SUSD1: variants seen among roughly 807,000 people sequenced by gnomAD.
The protein encoded by SUSD1 is sushi domain containing 1.
In SUSD1, 65 loss-of-function variants were observed where a neutral mutation model predicts 86.9. That is an observed-to-expected ratio of 0.75 (90% CI 0.61 to 0.92). SUSD1 has a LOEUF of 0.92. Among genes scored for constraint, SUSD1 ranks in the 40% least tolerant of loss-of-function variants. The pLI is 0.00. For synonymous variants in SUSD1, 346 were observed against 350.0 expected (o/e 0.99, Z 0.13); for missense variants, 850 against 929.7 (o/e 0.91, Z 1.11).
chr9:112,103,426 A>T (rs912326790), intron 8 of SUSD1, among the ~76,000 whole-genome samples: 1 of 152,226 alleles, frequency 6.6e-6, no homozygotes, highest in East Asian at 1.9e-4. Context: ...TGTGATTGTG[A>T]GGAATACCAA....
chr9:112,080,872 C>A (rs1829738829), intron 10 of SUSD1, among the ~76,000 whole-genome samples: 1 of 152,076 alleles, frequency 6.6e-6, no homozygotes, highest in Non-Finnish European at 1.5e-5. Context: ...GAGAATTGCT[C>A]CTTGAGGAAC....
chr9:112,140,682 G>A (rs949942596), intron 5 of SUSD1, among the ~76,000 whole-genome samples: 1 of 152,194 alleles, frequency 6.6e-6, no homozygotes, highest in Non-Finnish European at 1.5e-5. Flanking sequence ...CTGGGTTCAA[G>A]TTCAGCTCTG....
At chr9:112,173,424 G>A (rs1302319565) in intron 1 of SUSD1, 1 of 156,766 alleles carries the variant, frequency 6.4e-6, no homozygotes, top group Non-Finnish European at 1.4e-5. Flanking sequence ...CCCGCCTCAA[G>A]TTTACTTATA....
Position 112,041,157 on chromosome 9 carries a change from GC to G in SUSD1, c.*334del, listed in dbSNP as rs1827718642. ...AATGTCTAGAGGAGCTGACCCTCAG[GC>G]ATCACTCAGAGGAAGTCCCAGCCAA... On this transcript the variant is annotated 3_prime_UTR_variant, in exon 17 of 17. Coordinates refer to ENST00000374270, the MANE Select transcript of SUSD1 (RefSeq NM_022486.5). 1 of 483,300 alleles carries G rather than the reference GC, an allele frequency of 2.1e-6. No individual in the cohort carries two copies. Among genetic ancestry groups the G allele is most frequent in the Non-Finnish European group, 3.7e-6 (1 of 269,646 alleles). 29.9% of individuals were successfully genotyped at this position (483,300 alleles called of 1,614,324 possible).
intron 5 of SUSD1, 35 bp from the exon 6 acceptor site, chr9:112,124,471 C>A (rs1226357114): frequency 1.9e-6 from 3 of 1,571,686 alleles, no homozygotes; most frequent in South Asian, 1.2e-5. Context: ...TGGTTATAAG[C>A]CCTGACTTCC....
chr9:112,050,320 T>A (rs553633305), intron 15 of SUSD1, among the ~76,000 whole-genome samples: 1 of 152,210 alleles, frequency 6.6e-6, no homozygotes, highest in Non-Finnish European at 1.5e-5. Context: ...TGGCTGACAG[T>A]CAGGTAACCC....
At chr9:112,171,528 T>C (rs1289297519) in intron 1 of SUSD1, among the ~76,000 whole-genome samples, 1 of 152,332 alleles carries the variant, frequency 6.6e-6, no homozygotes, top group East Asian at 1.9e-4. Context: ...TTACTGGTGC[T>C]GTAAAGAGAA....
chr9:112,175,198 C>T lies in SUSD1; in HGVS notation c.38G>A (p.Arg13His). Residue 13 changes from arginine (R) to histidine (H), a missense_variant, in exon 1 of 17, where the codon CGC becomes CAC. Coordinates refer to ENST00000374270, the MANE Select transcript of SUSD1 (RefSeq NM_022486.5). The surrounding 1 kb of genome is among the most constrained non-coding windows in gnomAD (Gnocchi z 4.7). ...RGPWDAGPSR[R>H]LLPLLLLLGL... ...GAGCAGCAGCAACAGCGGCAGCAGG[C>T]GGCGAGACGGGCCCGCATCCCAGGG... 6 of 1,157,922 alleles carry T rather than the reference C, an allele frequency of 5.2e-6. No individual in the cohort carries two copies. The highest frequency in any genetic ancestry group is 4.1e-5 in the East Asian group (1 of 24,314). 71.7% of individuals were successfully genotyped at this position (1,157,922 alleles called of 1,614,324 possible).
chr9:112,063,293 G>A (rs904824969), intron 12 of SUSD1, among the ~76,000 whole-genome samples: 2 of 152,170 alleles, frequency 1.3e-5, no homozygotes, highest in Non-Finnish European at 2.9e-5. Flanking sequence ...TGGGGGTGGA[G>A]GGGGCATGTA....
At chr9:112,137,144 A>G (rs1832299926) in intron 5 of SUSD1, among the ~76,000 whole-genome samples, 1 of 152,086 alleles carries the variant, frequency 6.6e-6, no homozygotes, top group Non-Finnish European at 1.5e-5. Flanking sequence ...AAACTTACAC[A>G]CCTTAAAGAG....
intron 5 of SUSD1, among the ~76,000 whole-genome samples, chr9:112,136,440 T>C (rs1832269082): frequency 6.6e-6 from 1 of 152,128 alleles, no homozygotes; most frequent in Non-Finnish European, 1.5e-5. Flanking sequence ...CACTATGTTT[T>C]CCGGGCTGGT....
At chr9:112,122,644 A>G (rs1459705310) in intron 6 of SUSD1, among the ~76,000 whole-genome samples, 5 of 152,206 alleles carry the variant, frequency 3.3e-5, no homozygotes, top group Non-Finnish European at 7.3e-5. Flanking sequence ...TATCCAAAAG[A>G]ATTGAAAACA....
At chr9:112,110,241 C>A (rs1442887942) in intron 8 of SUSD1, among the ~76,000 whole-genome samples, 1 of 152,136 alleles carries the variant, frequency 6.6e-6, no homozygotes, top group Non-Finnish European at 1.5e-5. Flanking sequence ...CCCAGCTACT[C>A]AGAAGGCTGA....
chr9:112,078,774 A>T (rs1273418032), intron 11 of SUSD1, 50 bp from the exon 12 acceptor site: 5 of 1,434,970 alleles, frequency 3.5e-6, no homozygotes, highest in African/African-American at 2.9e-5. Context: ...AAAAGGCTTT[A>T]GATGCCTTGA....
intron 14 of SUSD1, among the ~76,000 whole-genome samples, chr9:112,053,231 G>A (rs1828297895): frequency 6.6e-6 from 1 of 151,660 alleles, no homozygotes; most frequent in Non-Finnish European, 1.5e-5. Flanking sequence ...TCTGAGAAAA[G>A]CTGCTGGGCA....
intron 1 of SUSD1, among the ~76,000 whole-genome samples, chr9:112,170,710 T>TATATATATATATATAG (rs758442726): frequency 5.9e-4 from 67 of 113,798 alleles, no homozygotes; most frequent in African/African-American, 1.6e-3. Context: ...TATATATATA[T>TATATATATATATATAG]AGAGAGAGAG....
chr9:112,162,188 A>C (rs1033146366), intron 1 of SUSD1, among the ~76,000 whole-genome samples: 1 of 152,240 alleles, frequency 6.6e-6, no homozygotes, highest in Non-Finnish European at 1.5e-5. Flanking sequence ...TATGATGCAC[A>C]ATTTGCATCT....
intron 10 of SUSD1, among the ~76,000 whole-genome samples, chr9:112,093,221 G>A (rs1830270713): frequency 6.6e-6 from 1 of 152,258 alleles, no homozygotes; most frequent in East Asian, 1.9e-4. Context: ...CTCAAGGAAG[G>A]AACAGTAAAT....
At position 112,175,113 on chromosome 9, in the gene SUSD1, C is replaced by A. The variant is rs1589768975; in HGVS notation, c.103+20G>T. On this transcript the variant is annotated intron_variant, in intron 1 of 16. Transcript: ENST00000374270. This position sits in a 1 kb window ranked among gnomAD's most constrained non-coding sequence, Gnocchi z 4.7. ...CGGGGGCCCCGCCGGCCGCCCGTGC[C>A]CGTCCCAGCCCGCACTCACCGTCGG... 1 of 1,022,278 alleles carries A rather than the reference C, an allele frequency of 9.8e-7. No individual in the cohort carries two copies. Among genetic ancestry groups the A allele is most frequent in the East Asian group, 9.5e-5 (1 of 10,474 alleles). The allele number at this position is 1,022,278 out of a possible 1,614,324, so 63.3% of individuals were successfully genotyped here. A position where few individuals can be genotyped will look rare whatever the true frequency, so the allele number is the denominator to read the frequency against.
Sources: allele counts gnomAD v4.1 joint callset (sites outside exome capture counted in the v4.1 genomes callset), GRCh38; gene constraint gnomAD v4.1.1; non-coding constraint Gnocchi (gnomAD v3.1); transcripts MANE v1.5; gene names NCBI Gene and HGNC (gene_info 2026-07-23, HGNC 2026-07-21).